MICOS13: variants seen among roughly 807,000 people sequenced by gnomAD.
The protein encoded by MICOS13 is MICOS complex subunit MIC13.
In MICOS13, 15 loss-of-function variants were observed where a neutral mutation model predicts 16.1. The ratio of observed to expected loss-of-function variants is 0.93; its 90% confidence interval spans 0.62 to 1.44. The LOEUF is 1.44. Among genes scored for constraint, MICOS13 ranks in the 40% most tolerant of loss-of-function variants. MICOS13 has a pLI of 0.00. For synonymous variants in MICOS13, 61 were observed against 62.6 expected (o/e 0.97, Z 0.12); for missense variants, 164 against 155.0 (o/e 1.06, Z -0.31).
chr19:5,679,719 A>G lies in MICOS13; in HGVS notation c.74T>C (p.Val25Ala). ...GSVAGGAVYL[V>A]YDQELLGPSD... is the part of the protein sequence containing the mutation. ...GGGCCCCAGCAGCTCCTGGTCGTAC[A>G]CCAGGTAGACGGCGCCCCCAGCCAC... The change falls in exon 2 of 4, where the codon GTG becomes GCG. Residue 25 changes from valine (V) to alanine (A), a missense_variant. Transcript: ENST00000309324. 6.2e-7 allele frequency: 1 copy of G among 1,609,754 alleles called. No homozygotes were observed. The highest frequency in any genetic ancestry group is 1.1e-5 in the South Asian group (1 of 90,924).
At chr19:5,679,192 G>C (rs189369241) in intron 3 of MICOS13, 153 bp downstream of exon 3, 33 of 809,990 alleles carry the variant, frequency 4.1e-5, no homozygotes, top group Middle Eastern at 3.2e-4. Flanking sequence ...GATTACAGGC[G>C]TGAGCCACTG....
In MICOS13 at chr19:5,679,783, G is replaced by A; in HGVS notation, c.30-20C>T. The stretch of plus-strand genomic sequence containing the variant: ...AGGAACCTGCGGGCAGGGACGGGAG[G>A]AGCAGAAGCTCAGCGGACACTGACA... On this transcript the variant is annotated intron_variant, in intron 1 of 3. Coordinates refer to ENST00000309324, the MANE Select transcript of MICOS13 (RefSeq NM_205767.3). 6.3e-7 allele frequency: 1 copy of A among 1,575,390 alleles called. No individual in the cohort carries two copies. The highest frequency in any genetic ancestry group is 8.6e-7 in the Non-Finnish European group (1 of 1,164,772).
At chr19:5,680,118 C>G (rs748548601) in intron 1 of MICOS13, 47 of 1,535,886 alleles carry the variant, frequency 3.1e-5, no homozygotes, top group Admixed American at 3.9e-5. Flanking sequence ...CCCGCTGTCA[C>G]TCGCAGCTCC....
chr19:5,679,248 G>T, intron 3 of MICOS13, 97 bp downstream of exon 3: 4 of 1,300,572 alleles, frequency 3.1e-6, no homozygotes, highest in Admixed American at 2.3e-5. Context: ...ACACGTGTCG[G>T]GCAGGAAGGA....
Position 5,678,633 on chromosome 19 carries a change from ATCACCG to A in MICOS13, c.269_274del (p.Thr90_Val91del), listed in dbSNP as rs1190675660. 2 of 1,539,446 alleles carry A rather than the reference ATCACCG, an allele frequency of 1.3e-6. No homozygotes were observed. Among genetic ancestry groups the A allele is most frequent in the Admixed American group, 4.1e-5 (2 of 49,300 alleles). On this transcript the variant is annotated inframe_deletion, in exon 4 of 4. Transcript: ENST00000309324. ...GGAGGGGGCCACCGACAGAGCTGAC[ATCACCG>A]TCATGATGCCTGTGGGAAAGGGACG...
At chr19:5,679,997 G>A in intron 1 of MICOS13, 6 of 1,477,286 alleles carry the variant, frequency 4.1e-6, no homozygotes, top group Non-Finnish European at 5.4e-6. Context: ...CAGAGGGGGA[G>A]AGTGGGTCAC....
At position 5,679,590 on chromosome 19, in the gene MICOS13, G is replaced by A. The variant is rs1232775913; in HGVS notation, c.203C>T (p.Pro68Leu). The change falls in exon 2 of 4, where the codon CCC becomes CTC. Residue 68 changes from proline to leucine, a missense_variant. Coordinates refer to ENST00000309324, the MANE Select transcript of MICOS13 (RefSeq NM_205767.3). Reference protein sequence around the residue: ...YVCQQTGLQIPQLPAPPKIYF... With the variant: ...YVCQQTGLQILQLPAPPKIYF... ...CTCGTTCCCGGCCCGTAGTACCTGG[G>A]GTATCTGCAGGCCTGTCTGCTGACA... The A allele has an allele frequency of 1.2e-6, 2 of 1,609,968 alleles. No individual in the cohort carries two copies. Among genetic ancestry groups the A allele is most frequent in the Non-Finnish European group, 1.7e-6 (2 of 1,178,714 alleles).
Position 5,678,615 on chromosome 19 carries a change from G to T in MICOS13, c.293C>A (p.Ala98Asp). ...GGAGTACTCGCGGGCCTTGGAGGGG[G>T]CCACCGACAGAGCTGACATCACCGT... is the stretch of plus-strand genomic sequence containing the variant. ...IMTVMSALSV[A>D]PSKAREYSKE... The change falls in exon 4 of 4, where the codon GCC (alanine) becomes GAC (aspartate). Residue 98 changes from alanine (A) to aspartate (D), a missense_variant. By Grantham distance (126) the Ala-to-Asp change is moderately radical (BLOSUM62 -2). Transcript: ENST00000309324. 1 of 1,545,506 alleles carries T rather than the reference G, an allele frequency of 6.5e-7. No homozygotes were observed. The highest frequency in any genetic ancestry group is 8.7e-7 in the Non-Finnish European group (1 of 1,144,714).
rs1478082603 is a variant in MICOS13 at position 5,678,664 on chromosome 19, G to A, written c.260-16C>T. ...GTCATGATGCCTGTGGGAAAGGGAC[G>A]GCCACTGGTGATACTCCCCTCCCAG... On this transcript the variant is annotated splice_polypyrimidine_tract_variant and intron_variant, in intron 3 of 3. Coordinates refer to ENST00000309324, the MANE Select transcript of MICOS13 (RefSeq NM_205767.3). 11 of 1,503,058 alleles carry A rather than the reference G, an allele frequency of 7.3e-6. No individual in the cohort carries two copies. The highest frequency in any genetic ancestry group is 2.6e-5 in the East Asian group (1 of 38,162). The allele number at this position is 1,503,058 out of a possible 1,614,324, so 93.1% of individuals were successfully genotyped here. A position where few individuals can be genotyped will look rare whatever the true frequency, so the allele number is the denominator to read the frequency against.
chr19:5,679,429 GA>G, intron 2 of MICOS13, 33 bp from the exon 3 acceptor site: 2 of 1,609,998 alleles, frequency 1.2e-6, no homozygotes, highest in South Asian at 1.1e-5. Context: ...AAGAACTGGT[GA>G]AAAGGCTCAG....
chr19:5,679,320 C>T (rs2054488001), intron 3 of MICOS13, 25 bp downstream of exon 3: 1 of 1,607,080 alleles, frequency 6.2e-7, no homozygotes, highest in Non-Finnish European at 8.5e-7. Flanking sequence ...TGTCTCCCTC[C>T]AAGCAAAGAA....
At chr19:5,678,763 A>T (rs923706030) in intron 3 of MICOS13, 115 bp from the exon 4 acceptor site, 1 of 631,658 alleles carries the variant, frequency 1.6e-6, no homozygotes, top group Non-Finnish European at 2.7e-6. Context: ...GGGGGCGGGG[A>T]TGGAGTCTCA....
Position 5,678,558 on chromosome 19 carries a change from G to T in MICOS13, c.350C>A (p.Thr117Asn). Residue 117 changes from threonine (T) to asparagine (N), a missense_variant, in exon 4 of 4, where the codon ACC becomes AAC. Coordinates refer to ENST00000309324, the MANE Select transcript of MICOS13 (RefSeq NM_205767.3). ...KEGWEYVKAR[T>N]K ...GCGGCCCCTGCTGACTCGCTACTTGGTGCGCGCCTTCACATACTCCCAGCC... is the reference window on the plus strand; with the variant it reads ...GCGGCCCCTGCTGACTCGCTACTTGTTGCGCGCCTTCACATACTCCCAGCC... 2 of 1,549,136 alleles carry T rather than the reference G, an allele frequency of 1.3e-6. No individual in the cohort carries two copies. Among genetic ancestry groups the T allele is most frequent in the South Asian group, 2.4e-5 (2 of 84,000 alleles).
rs2054476967 is a variant in MICOS13, at chr19:5,678,747, TGGGTGGGGGGC to T, written c.260-110_260-100del. On this transcript the variant is annotated intron_variant, in intron 3 of 3. Transcript: ENST00000309324. ...AGAGTTTGTTTTGGGCGGTGGGGGG[TGGGTGGGGGGC>T]GGGGATGGAGTCTCACTCTGTCTCC... 6.5e-5 allele frequency: 13 copies of T among 199,080 alleles called. No homozygotes were observed. The East Asian group carries it at 2.2e-3, about 34-fold the overall frequency. 12.3% of individuals were successfully genotyped at this position (199,080 alleles called of 1,614,324 possible). A position where few individuals can be genotyped will look rare whatever the true frequency, so the allele number is the denominator to read the frequency against.
chr19:5,679,865 G>A (rs1040473298), intron 1 of MICOS13, 102 bp from the exon 2 acceptor site: 40 of 1,427,782 alleles, frequency 2.8e-5, no homozygotes, highest in Non-Finnish European at 3.4e-5. Flanking sequence ...AGGGCTCACC[G>A]TCCACAGGGT....
chr19:5,680,271 G>A (rs758409044), intron 1 of MICOS13, 187 bp downstream of exon 1: 600 of 1,591,994 alleles, frequency 3.8e-4, no homozygotes, highest in Non-Finnish European at 5.0e-4. Flanking sequence ...GGAGGGAGGG[G>A]ATTGGCGACC....
At chr19:5,680,246 G>C in intron 1 of MICOS13, 1 of 1,563,054 alleles carries the variant, frequency 6.4e-7, no homozygotes, top group Non-Finnish European at 8.6e-7. Flanking sequence ...AACGCCAAGG[G>C]CTCGCTGGGA....
At chr19:5,678,881 A>C in intron 3 of MICOS13, 1 of 483,846 alleles carries the variant, frequency 2.1e-6, no homozygotes, top group Non-Finnish European at 3.7e-6. Context: ...AGCTGGGACT[A>C]CAAGTGCGCC....
At chr19:5,680,069 C>A (rs1183941120) in intron 1 of MICOS13, 2 of 1,531,440 alleles carry the variant, frequency 1.3e-6, no homozygotes, top group African/African-American at 2.8e-5. Flanking sequence ...TAGAAGCCTT[C>A]CAGCCCTGGA....
Sources: allele counts gnomAD v4.1 joint callset, GRCh38; gene constraint gnomAD v4.1.1; transcripts MANE v1.5; gene names NCBI Gene and HGNC (gene_info 2026-07-23, HGNC 2026-07-21).